SLC7A14: variants seen among roughly 807,000 people sequenced by gnomAD.
SLC7A14 encodes the protein solute carrier family 7 member 14, also known as gamma-aminobutyric acid transporter SLC7A14.
In SLC7A14, 37 loss-of-function variants were observed where a neutral mutation model predicts 60.2. The observed-to-expected ratio is 0.61, with a 90% CI of 0.47 to 0.81. The LOEUF (loss-of-function observed/expected upper bound fraction) is 0.81, where lower values mean the gene tolerates loss of function less well. Ranked by LOEUF, SLC7A14 falls within the 30% of genes least tolerant of loss-of-function variation. The pLI is 0.00. For synonymous variants in SLC7A14, 399 were observed against 395.8 expected, an observed-to-expected ratio of 1.01 and a Z score of -0.10; for missense variants, 886 against 982.7, an observed-to-expected ratio of 0.90 and a Z score of 1.32.
intron 2 of SLC7A14, among the ~76,000 whole-genome samples, chr3:170,524,327 C>T (rs1022843113): frequency 1.3e-5 from 2 of 152,196 alleles, no homozygotes; most frequent in Non-Finnish European, 2.9e-5. Flanking sequence ...TCCAGCATAA[C>T]ACAGTCTGGA....
intron 1 of SLC7A14, among the ~76,000 whole-genome samples, chr3:170,530,534 G>C (rs944793403): frequency 1.3e-5 from 2 of 152,236 alleles, no homozygotes; most frequent in African/African-American, 4.8e-5. Context: ...CAGGGGGCTG[G>C]TCAGCCAAGA....
At chr3:170,488,764 A>T (rs931871522) in intron 4 of SLC7A14, among the ~76,000 whole-genome samples, 14 of 152,240 alleles carry the variant, frequency 9.2e-5, no homozygotes, top group African/African-American at 3.4e-4. Flanking sequence ...ACATTGGGGG[A>T]AAATCTTCAG....
rs995268413 is a variant in SLC7A14, at chr3:170,463,372, G to C, written c.*3683C>G. 6.6e-6 allele frequency: 1 copy of C among 151,970 alleles called. No individual in the cohort carries two copies. Among genetic ancestry groups the C allele is most frequent in the Admixed American group, 6.6e-5 (1 of 15,244 alleles). 9.4% of individuals were successfully genotyped at this position (151,970 alleles called of 1,614,324 possible). On this transcript the variant is annotated 3_prime_UTR_variant, in exon 8 of 8. Transcript: ENST00000231706. The stretch of plus-strand genomic sequence containing the variant: ...TGATAAAATTCTACCCACTTCACAA[G>C]TTCCAACACAAGTGTGACATTCTTT...
chr3:170,563,428 T>G (rs1714711122), intron 1 of SLC7A14, among the ~76,000 whole-genome samples: 1 of 149,294 alleles, frequency 6.7e-6, no homozygotes, highest in Admixed American at 6.7e-5. Context: ...TTTTTTTTTT[T>G]TTTTTTTGAG....
intron 5 of SLC7A14, among the ~76,000 whole-genome samples, chr3:170,485,909 C>T (rs1419443305): frequency 6.6e-6 from 1 of 152,176 alleles, no homozygotes; most frequent in Non-Finnish European, 1.5e-5. Context: ...TTACTGCCAG[C>T]CTATGACCTG....
At chr3:170,503,903 T>C (rs1282431258) in intron 2 of SLC7A14, among the ~76,000 whole-genome samples, 1 of 152,180 alleles carries the variant, frequency 6.6e-6, no homozygotes, top group African/African-American at 2.4e-5. Flanking sequence ...TGGCTGTGCA[T>C]GGTATAAGGA....
At chr3:170,556,038 G>T (rs1470664667) in intron 1 of SLC7A14, among the ~76,000 whole-genome samples, 1 of 152,178 alleles carries the variant, frequency 6.6e-6, no homozygotes, top group Non-Finnish European at 1.5e-5. Flanking sequence ...TACTAAATGT[G>T]CAATCTGGCA....
intron 1 of SLC7A14, among the ~76,000 whole-genome samples, chr3:170,579,555 G>A (rs1180979457): frequency 6.6e-6 from 1 of 152,212 alleles, no homozygotes; most frequent in Non-Finnish European, 1.5e-5. Context: ...TTATTGACTT[G>A]CTAGAATAGA....
intron 1 of SLC7A14, among the ~76,000 whole-genome samples, chr3:170,553,939 G>C (rs1254168640): frequency 1.3e-5 from 2 of 150,798 alleles, no homozygotes; most frequent in Non-Finnish European, 2.9e-5. Context: ...AAAGTCTTGA[G>C]AAACATGGCT....
intron 1 of SLC7A14, among the ~76,000 whole-genome samples, chr3:170,577,532 G>T (rs1295555490): frequency 6.6e-6 from 1 of 150,770 alleles, no homozygotes; most frequent in Non-Finnish European, 1.5e-5. Context: ...GCAGGAGAAT[G>T]GCGTGAACCC....
At chr3:170,576,144 G>A (rs1715084598) in intron 1 of SLC7A14, among the ~76,000 whole-genome samples, 1 of 152,050 alleles carries the variant, frequency 6.6e-6, no homozygotes, top group African/African-American at 2.4e-5. Context: ...TTGTTTCCTG[G>A]TCTCTCCTTG....
chr3:170,520,154 C>G (rs567950199), intron 2 of SLC7A14, among the ~76,000 whole-genome samples: 49 of 152,360 alleles, frequency 3.2e-4, no homozygotes, highest in African/African-American at 1.1e-3. Context: ...TGCTTTCACT[C>G]CATTCCTTAC....
At chr3:170,552,057 G>T (rs570609859) in intron 1 of SLC7A14, among the ~76,000 whole-genome samples, 1 of 151,938 alleles carries the variant, frequency 6.6e-6, no homozygotes, top group South Asian at 2.1e-4. Flanking sequence ...CTTATGTTTT[G>T]GTCTTTAATC....
At chr3:170,550,705 A>G (rs1457515416) in intron 1 of SLC7A14, among the ~76,000 whole-genome samples, 1 of 151,438 alleles carries the variant, frequency 6.6e-6, no homozygotes, top group African/African-American at 2.4e-5. Flanking sequence ...TATTTTTAGT[A>G]GAGACGGGGT....
Position 170,532,152 on chromosome 3 carries a change from C to T in SLC7A14, c.-152-5064G>A, listed in dbSNP as rs1034321400. On this transcript the variant is annotated intron_variant, in intron 1 of 7. Coordinates refer to ENST00000231706, the MANE Select transcript of SLC7A14 (RefSeq NM_020949.3). The surrounding 1 kb of genome is among the most constrained non-coding windows in gnomAD (Gnocchi z 4.0). Reference sequence around the variant, plus strand: ...AGCTTTTTCTGGAACATCTGGGCCGCAGGGAACATTGGCTGATAGAAGCAG... The same window carrying T: ...AGCTTTTTCTGGAACATCTGGGCCGTAGGGAACATTGGCTGATAGAAGCAG... Among the ~76,000 whole-genome samples the T allele has an allele frequency of 3.9e-5, 6 of 152,186 alleles. No homozygotes were observed. Among genetic ancestry groups the T allele is most frequent in the African/African-American group, 1.4e-4 (6 of 41,438 alleles).
At position 170,501,109 on chromosome 3, in the gene SLC7A14, C is replaced by T. The variant is rs778424212; in HGVS notation, c.541G>A (p.Gly181Arg). 1.2e-6 allele frequency: 2 copies of T among 1,614,136 alleles called. No individual in the cohort carries two copies. The highest frequency in any genetic ancestry group is 1.7e-6 in the Non-Finnish European group (2 of 1,179,986). The change falls in exon 3 of 8, where the codon GGG becomes AGG. Residue 181 changes from glycine (G) to arginine (R), a missense_variant and splice_region_variant. Coordinates refer to ENST00000231706, the MANE Select transcript of SLC7A14 (RefSeq NM_020949.3). Reference protein sequence around the residue: ...ADSVGTLNGLGKGEESYPDLL... With the variant: ...ADSVGTLNGLRKGEESYPDLL... The stretch of plus-strand genomic sequence containing the variant: ...GGGTAGGAGGATGTGGCAGTCTCAC[C>T]CAGGCCATTGAGGGTTCCCACGCTG...
Position 170,481,005 on chromosome 3 carries a change from A to T in SLC7A14, c.1277T>A (p.Val426Asp). The T allele has an allele frequency of 5.0e-6, 8 of 1,614,134 alleles. No individual in the cohort carries two copies. Among genetic ancestry groups the T allele is most frequent in the Non-Finnish European group, 6.8e-6 (8 of 1,180,028 alleles). The change falls in exon 7 of 8, where the codon GTC becomes GAC. Residue 426 changes from valine (V) to aspartate (D), a missense_variant. By Grantham distance (152) the Val-to-Asp change is radical. Transcript: ENST00000231706. Reference protein sequence around the residue: ...LLAYTLVSVCVLLLRYQPESD... With the variant: ...LLAYTLVSVCDLLLRYQPESD... ...CTCAGGTTGGTATCGAAGGAGCAAG[A>T]CACAGACAGAGACCAAGGTGTAGGC...
Position 170,464,739 on chromosome 3 carries a change from C to A in SLC7A14, c.*2316G>T, listed in dbSNP as rs1739679666. On this transcript the variant is annotated 3_prime_UTR_variant, in exon 8 of 8. Transcript: ENST00000231706. The stretch of plus-strand genomic sequence containing the variant: ...AACCAAAGCATACATTTTCCATTCC[C>A]ATCCTATAGAAATTGCATTCATCTG... 1 of 152,170 alleles carries A rather than the reference C, an allele frequency of 6.6e-6. No homozygotes were observed. Among genetic ancestry groups the A allele is most frequent in the Non-Finnish European group, 1.5e-5 (1 of 68,040 alleles). The allele number at this position is 152,170 out of a possible 1,614,324, so 9.4% of individuals were successfully genotyped here. A position where few individuals can be genotyped will look rare whatever the true frequency, so the allele number is the denominator to read the frequency against.
At chr3:170,549,493 C>T (rs375085492) in intron 1 of SLC7A14, among the ~76,000 whole-genome samples, 2 of 152,300 alleles carry the variant, frequency 1.3e-5, no homozygotes, top group African/African-American at 4.8e-5. Flanking sequence ...GGATTACAGA[C>T]GTGAGCCACC....
Sources: allele counts gnomAD v4.1 joint callset (sites outside exome capture counted in the v4.1 genomes callset), GRCh38; gene constraint gnomAD v4.1.1; non-coding constraint Gnocchi (gnomAD v3.1); transcripts MANE v1.5; gene names NCBI Gene and HGNC (gene_info 2026-07-23, HGNC 2026-07-21).